Variants in NLGN4X observed in about 807,000 individuals in gnomAD.
NLGN4X encodes neuroligin 4 X-linked.
Under a neutral mutation model 40.3 loss-of-function variants are expected in NLGN4X, and 3 were observed. The observed-to-expected ratio is 0.07, with a 90% CI of 0.03 to 0.19. The LOEUF is 0.19. Among genes scored for constraint, NLGN4X ranks in the 10% least tolerant of loss-of-function variants. NLGN4X has a pLI of 1.00. For synonymous variants in NLGN4X, 270 were observed against 306.8 expected (o/e 0.88, Z 1.25); for missense variants, 382 against 708.3 (o/e 0.54, Z 5.23).
chrX:5,977,172 T>A (rs1285466605), intron 3 of NLGN4X, among the ~76,000 whole-genome samples: 2 of 112,333 alleles, frequency 1.8e-5, no homozygotes, highest in Non-Finnish European at 3.8e-5. Context: ...GTATCTCTCA[T>A]AGAATACATT....
Position 6,081,424 on chromosome X carries a change from G to A in NLGN4X, c.473-51992C>T, listed in dbSNP as rs758501007. Among the ~76,000 whole-genome samples the A allele has an allele frequency of 5.3e-5, 6 of 112,404 alleles. No individual in the cohort carries two copies. In the South Asian group the frequency reaches 1.8e-3, roughly 35 times the overall value. ...GAGCCACTATGCCCAGTGGAAATGCGGAATTTAAATGAAAACAGCACATCT... is the reference window on the plus strand; with the variant it reads ...GAGCCACTATGCCCAGTGGAAATGCAGAATTTAAATGAAAACAGCACATCT... On this transcript the variant is annotated intron_variant, in intron 2 of 5. Transcript: ENST00000381095.
chrX:5,997,127 T>G (rs1420450095), intron 3 of NLGN4X, among the ~76,000 whole-genome samples: 1 of 109,423 alleles, frequency 9.1e-6, no homozygotes, highest in Non-Finnish European at 1.9e-5. Context: ...TCTGCTTTTT[T>G]GGGGGTGGGG....
chrX:6,160,924 TATATATTACAAA>T (rs1226232711), intron 1 of NLGN4X, among the ~76,000 whole-genome samples: 1 of 102,230 alleles, frequency 9.8e-6, no homozygotes, highest in Non-Finnish European at 1.9e-5. Flanking sequence ...ATAAAAAACA[TATATATTACAAA>T]ATATATTATA....
At chrX:6,168,163 T>G (rs1569277857) in intron 1 of NLGN4X, among the ~76,000 whole-genome samples, 2 of 112,186 alleles carry the variant, frequency 1.8e-5, no homozygotes, top group East Asian at 5.6e-4. Flanking sequence ...CGTTTAATTA[T>G]CCCTTAACAA....
intron 2 of NLGN4X, chrX:6,032,762 T>C: frequency 8.9e-7 from 1 of 1,117,513 alleles, no homozygotes; most frequent in African/African-American, 1.8e-5. Context: ...TGGGGTCATA[T>C]TGAGAAGGAA....
At chrX:6,206,756 C>T (rs1924070568) in intron 1 of NLGN4X, among the ~76,000 whole-genome samples, 1 of 111,657 alleles carries the variant, frequency 9.0e-6, no homozygotes, top group Admixed American at 9.5e-5. Flanking sequence ...GTTACGACAC[C>T]AGTTGTACGG....
intron 5 of NLGN4X, among the ~76,000 whole-genome samples, chrX:5,902,276 C>G (rs759982839): frequency 9.9e-5 from 11 of 111,294 alleles, no homozygotes; most frequent in Non-Finnish European, 1.9e-4. Flanking sequence ...GTAGTCCCAG[C>G]TATTCAGAAG....
chrX:5,991,503 A>G (rs1290293208), intron 3 of NLGN4X: 1 of 520,179 alleles, frequency 1.9e-6, no homozygotes. Context: ...TGCAGTTTCC[A>G]TGAGCCAGTG....
chrX:5,973,740 G>A (rs915425450), intron 3 of NLGN4X, among the ~76,000 whole-genome samples: 3 of 110,788 alleles, frequency 2.7e-5, no homozygotes, highest in East Asian at 2.9e-4. Context: ...GGGGAATGGC[G>A]TGAACCCGGG....
chrX:6,199,532 A>G (rs1214212876), intron 1 of NLGN4X, among the ~76,000 whole-genome samples: 1 of 111,793 alleles, frequency 8.9e-6, no homozygotes, highest in Non-Finnish European at 1.9e-5. Flanking sequence ...CCACATCTTT[A>G]TAAGGAATTT....
chrX:6,069,530 G>A (rs1191329972), intron 2 of NLGN4X, among the ~76,000 whole-genome samples: 3 of 111,864 alleles, frequency 2.7e-5, no homozygotes, highest in African/African-American at 6.5e-5. Context: ...TTTAAAATAT[G>A]TAATGATCTA....
At chrX:6,004,560 G>T (rs933939018) in intron 3 of NLGN4X, among the ~76,000 whole-genome samples, 2 of 111,994 alleles carry the variant, frequency 1.8e-5, no homozygotes. Context: ...AAAACGAAAT[G>T]TTTCATTTGA....
At chrX:6,049,390 T>C (rs371799839) in intron 2 of NLGN4X, among the ~76,000 whole-genome samples, 335 of 106,024 alleles carry the variant, frequency 3.2e-3, no homozygotes, top group South Asian at 6.0e-3. Flanking sequence ...AAAGCATTCT[T>C]GTCATTGAGA....
intron 3 of NLGN4X, among the ~76,000 whole-genome samples, chrX:5,980,450 C>T (rs1472717241): frequency 9.4e-6 from 1 of 106,581 alleles, no homozygotes; most frequent in Non-Finnish European, 1.9e-5. Flanking sequence ...AAATATTTGC[C>T]AAAATCTAAA....
At chrX:6,093,041 A>G (rs1057060848) in intron 2 of NLGN4X, among the ~76,000 whole-genome samples, 4 of 84,702 alleles carry the variant, frequency 4.7e-5, no homozygotes, top group Non-Finnish European at 9.4e-5. Flanking sequence ...AACCATAGAA[A>G]GAATGGATAA....
chrX:5,955,642 A>G (rs2034465991), intron 3 of NLGN4X, among the ~76,000 whole-genome samples: 1 of 111,043 alleles, frequency 9.0e-6, no homozygotes, highest in African/African-American at 3.3e-5. Flanking sequence ...TGACAGAAAA[A>G]TAATCAGAAC....
chrX:6,156,090 T>C (rs2040257934), intron 1 of NLGN4X, among the ~76,000 whole-genome samples: 2 of 112,386 alleles, frequency 1.8e-5, no homozygotes, highest in Admixed American at 9.4e-5. Context: ...AAAAGACACA[T>C]GCACATGTAT....
rs991426489 is a variant in NLGN4X at position 5,890,591 on chromosome X, A to G, written c.*2226T>C. 7.0e-5 allele frequency: 23 copies of G among 326,747 alleles called. No individual in the cohort carries two copies. Among genetic ancestry groups the G allele is most frequent in the Non-Finnish European group, 1.4e-4 (23 of 169,449 alleles). The allele number at this position is 326,747 out of a possible 1,213,427, so 26.9% of individuals were successfully genotyped here. ...TCCTTTGTAGTTTCACAGAGAGCCT[A>G]TTTGTGGTTGCTCAGGTGGGGTCAT... On this transcript the variant is annotated 3_prime_UTR_variant, in exon 6 of 6. Coordinates refer to ENST00000381095, the MANE Select transcript of NLGN4X (RefSeq NM_181332.3).
At chrX:6,208,223 T>G (rs1013537064) in intron 1 of NLGN4X, among the ~76,000 whole-genome samples, 1 of 112,324 alleles carries the variant, frequency 8.9e-6, no homozygotes, top group Admixed American at 9.5e-5. Flanking sequence ...TCTCTTCCCA[T>G]CTACTGAGCT....
Sources: allele counts gnomAD v4.1 joint callset (sites outside exome capture counted in the v4.1 genomes callset), GRCh38; gene constraint gnomAD v4.1.1; transcripts MANE v1.5; gene names NCBI Gene and HGNC (gene_info 2026-07-23, HGNC 2026-07-21).